The following ANKS1B variants were observed in gnomAD, a reference collection of about 807,000 sequenced individuals.
ANKS1B encodes the protein ankyrin repeat and sterile alpha motif domain-containing protein 1B.
In ANKS1B, 36 loss-of-function variants were observed where a neutral mutation model predicts 148.3. The observed-to-expected ratio is 0.24, with a 90% CI of 0.19 to 0.32. The LOEUF is 0.32. ANKS1B is among the 10% of genes least tolerant of loss of function. The probability of loss-of-function intolerance (pLI) is 1.00; values close to 1 mark genes in which losing one functional copy is unlikely to be tolerated. For missense variants in ANKS1B, 1,157 were observed against 1,542.6 expected, an observed-to-expected ratio of 0.75 and a Z score of 4.19; for synonymous variants, 542 against 560.8, an observed-to-expected ratio of 0.97 and a Z score of 0.47.
At chr12:99,453,524 C>A (rs1484194254) in intron 10 of ANKS1B, among the ~76,000 whole-genome samples, 1 of 152,110 alleles carries the variant, frequency 6.6e-6, no homozygotes, top group Middle Eastern at 3.2e-3. Flanking sequence ...TGTTAACAGC[C>A]ACGAGTTAGC....
intron 17 of ANKS1B, among the ~76,000 whole-genome samples, chr12:98,992,667 C>G (rs888356405): frequency 6.6e-6 from 1 of 152,160 alleles, no homozygotes; most frequent in Non-Finnish European, 1.5e-5. Flanking sequence ...CAGGTAGTAT[C>G]TTTTAGCAGT....
chr12:99,947,839 G>A (rs552324111), intron 1 of ANKS1B, among the ~76,000 whole-genome samples: 1 of 152,092 alleles, frequency 6.6e-6, no homozygotes, highest in Non-Finnish European at 1.5e-5. Flanking sequence ...TTCCTTGCTG[G>A]CTATTGGCTG....
intron 15 of ANKS1B, among the ~76,000 whole-genome samples, chr12:99,131,546 A>G (rs2066081036): frequency 6.6e-6 from 1 of 152,210 alleles, no homozygotes; most frequent in South Asian, 2.1e-4. Flanking sequence ...GTTTATGCAG[A>G]ACAACCAACC....
At chr12:98,843,444 A>T (rs1396808280) in intron 17 of ANKS1B, among the ~76,000 whole-genome samples, 2 of 152,256 alleles carry the variant, frequency 1.3e-5, no homozygotes, top group Non-Finnish European at 2.9e-5. Context: ...AATTCTCACC[A>T]GAAGCTGAGC....
chr12:99,109,500 G>A (rs2059866476), intron 15 of ANKS1B, among the ~76,000 whole-genome samples: 2 of 152,052 alleles, frequency 1.3e-5, no homozygotes, highest in African/African-American at 2.4e-5. Flanking sequence ...ATCTCCTAGG[G>A]TTCTTGGATT....
intron 12 of ANKS1B, among the ~76,000 whole-genome samples, chr12:99,344,279 T>C (rs957178029): frequency 7.2e-5 from 11 of 152,102 alleles, no homozygotes; most frequent in Non-Finnish European, 1.2e-4. Context: ...ACACATTCTT[T>C]TAGTCTCACT....
chr12:99,331,245 A>G (rs914926275), intron 12 of ANKS1B, among the ~76,000 whole-genome samples: 16 of 152,088 alleles, frequency 1.1e-4, no homozygotes, highest in African/African-American at 3.6e-4. Flanking sequence ...CTCTGGGTTT[A>G]CTTAACGTCC....
At chr12:98,874,476 G>A (rs146114219) in intron 17 of ANKS1B, among the ~76,000 whole-genome samples, 1 of 152,258 alleles carries the variant, frequency 6.6e-6, no homozygotes, top group African/African-American at 2.4e-5. Context: ...CATGAACTGA[G>A]GAGATAATAA....
intron 4 of ANKS1B, among the ~76,000 whole-genome samples, chr12:99,796,701 T>C (rs2066296950): frequency 6.6e-6 from 1 of 151,884 alleles, no homozygotes; most frequent in African/African-American, 2.4e-5. Context: ...TTTTTAAGTG[T>C]TTTATTAAAC....
chr12:99,983,346 C>T (rs1467716279), intron 1 of ANKS1B, among the ~76,000 whole-genome samples: 1 of 152,128 alleles, frequency 6.6e-6, no homozygotes, highest in Admixed American at 6.5e-5. Context: ...AAGACCTTGA[C>T]ATTTTTTTTA....
chr12:99,604,112 T>G lies in ANKS1B; in HGVS notation c.1272+50955A>C, dbSNP rs150882966. Among the ~76,000 whole-genome samples the G allele has an allele frequency of 8.7e-3, 1,323 of 152,200 alleles. 30 individuals are homozygous for G. The highest frequency in any genetic ancestry group is 0.03 in the African/African-American group (1,264 of 41,550). ...AATTAACTATAGACAAGACTTAAAATGATCATGGTTAGAAATCTGTTAAGA... is the reference window on the plus strand; with the variant it reads ...AATTAACTATAGACAAGACTTAAAAGGATCATGGTTAGAAATCTGTTAAGA... On this transcript the variant is annotated intron_variant, in intron 9 of 26. Transcript: ENST00000683438.
At chr12:99,730,495 A>C (rs1319657564) in intron 8 of ANKS1B, among the ~76,000 whole-genome samples, 1 of 152,188 alleles carries the variant, frequency 6.6e-6, no homozygotes, top group African/African-American at 2.4e-5. Flanking sequence ...TTTACAGACT[A>C]AGGCAAGGAC....
chr12:99,721,880 G>A (rs2058124071), intron 8 of ANKS1B, among the ~76,000 whole-genome samples: 1 of 152,234 alleles, frequency 6.6e-6, no homozygotes, highest in African/African-American at 2.4e-5. Context: ...AATTAAAAGT[G>A]CGACTCCAGT....
intron 9 of ANKS1B, among the ~76,000 whole-genome samples, chr12:99,651,594 C>G (rs1043394828): frequency 2.0e-5 from 3 of 152,104 alleles, no homozygotes; most frequent in Non-Finnish European, 2.9e-5. Flanking sequence ...AAATCTTAAT[C>G]TGACTCAATC....
At chr12:99,733,620 G>C (rs1241248357) in intron 8 of ANKS1B, among the ~76,000 whole-genome samples, 4 of 152,100 alleles carry the variant, frequency 2.6e-5, no homozygotes, top group Non-Finnish European at 4.4e-5. Context: ...TGAAACTGAA[G>C]CACAAATAGG....
In ANKS1B at chr12:98,810,669, A is replaced by T. The variant is rs59939725; in HGVS notation, c.3067-2751T>A. 1.4e-3 allele frequency among the ~76,000 whole-genome samples: 212 copies of T among 152,332 alleles called. 1 individual carries two copies. Among genetic ancestry groups the T allele is most frequent in the African/African-American group, 5.0e-3 (206 of 41,574 alleles). ...ACAGTCTTAACTGCACTGGGGTCCA[A>T]ACACCAAAAAGTTGTTTTAGGTTGT... On this transcript the variant is annotated intron_variant, in intron 19 of 26. Coordinates refer to ENST00000683438, the MANE Select transcript of ANKS1B (RefSeq NM_001352186.2).
intron 16 of ANKS1B, among the ~76,000 whole-genome samples, chr12:99,071,735 C>T (rs951827000): frequency 4.0e-5 from 6 of 151,878 alleles, no homozygotes; most frequent in African/African-American, 1.5e-4. Context: ...GCAAGCTCCA[C>T]CTCCCGGGTT....
At chr12:99,654,328 C>G (rs2098439704) in intron 9 of ANKS1B, among the ~76,000 whole-genome samples, 2 of 152,300 alleles carry the variant, frequency 1.3e-5, no homozygotes, top group South Asian at 4.1e-4. Context: ...GATTTATCTT[C>G]TGTCCTGGAC....
chr12:99,736,698 A>G (rs2059646409), intron 8 of ANKS1B, among the ~76,000 whole-genome samples: 2 of 152,070 alleles, frequency 1.3e-5, no homozygotes, highest in Admixed American at 6.5e-5. Flanking sequence ...GACAAATGGA[A>G]TTACATTAAA....
Sources: gnomAD v4.1 joint callset for allele counts (sites outside exome capture counted in the v4.1 genomes callset) on GRCh38, gnomAD v4.1.1 for gene constraint, MANE v1.5 for transcripts, NCBI Gene and HGNC (gene_info 2026-07-23, HGNC 2026-07-21) for gene names.